CENPW: variants seen among roughly 807,000 people sequenced by gnomAD.
CENPW encodes the protein centromere protein W.
A neutral mutation model predicts 11.1 loss-of-function variants in CENPW; 3 were observed. The observed-to-expected ratio is 0.27, with a 90% CI of 0.12 to 0.70. CENPW has a LOEUF of 0.70. Ranked by LOEUF, CENPW falls within the 30% of genes least tolerant of loss-of-function variation. The probability of loss-of-function intolerance (pLI) is 0.77; values close to 1 mark genes in which losing one functional copy is unlikely to be tolerated. For missense variants in CENPW, 100 were observed against 105.6 expected, an observed-to-expected ratio of 0.95 and a Z score of 0.23; for synonymous variants, 38 against 42.0, an observed-to-expected ratio of 0.91 and a Z score of 0.37.
chr6:126,476,810 A>T, the CENPW span, among the ~76,000 whole-genome samples: 1 of 151,928 alleles, frequency 6.6e-6, no homozygotes, highest in Non-Finnish European at 1.5e-5. Flanking sequence ...GTCCTTCTAT[A>T]TCTACCTGTG....
At chr6:126,362,182 G>A in the CENPW span, among the ~76,000 whole-genome samples, 1 of 152,110 alleles carries the variant, frequency 6.6e-6, no homozygotes, top group Non-Finnish European at 1.5e-5. Context: ...TAGTCAGCTG[G>A]GGCTGGAGCT....
the CENPW span, among the ~76,000 whole-genome samples, chr6:126,474,366 T>G: frequency 1.3e-5 from 2 of 152,142 alleles, no homozygotes; most frequent in Admixed American, 6.6e-5. Context: ...CATGTAAACC[T>G]TGTGGGTTTA....
intron 1 of CENPW, among the ~76,000 whole-genome samples, chr6:126,342,469 G>C (rs1383144910): frequency 6.6e-6 from 1 of 152,118 alleles, no homozygotes; most frequent in Non-Finnish European, 1.5e-5. Context: ...TCCTAGTGTG[G>C]TATGCAGCTT....
the CENPW span, among the ~76,000 whole-genome samples, chr6:126,408,075 C>G: frequency 6.6e-6 from 1 of 151,948 alleles, no homozygotes; most frequent in Admixed American, 6.6e-5. Context: ...GTTTAACAAG[C>G]AATAGGGAAA....
chr6:126,342,097 T>C (rs1372411899), intron 1 of CENPW, among the ~76,000 whole-genome samples: 5 of 152,336 alleles, frequency 3.3e-5, no homozygotes, highest in East Asian at 3.9e-4. Flanking sequence ...AGCTTTCTGC[T>C]CACCTTTGAC....
chr6:126,478,590 A>G, the CENPW span, among the ~76,000 whole-genome samples: 1 of 152,020 alleles, frequency 6.6e-6, no homozygotes, highest in African/African-American at 2.4e-5. Context: ...TTTGTCAGTG[A>G]CAAAGCCCAT....
chr6:126,417,200 T>A, the CENPW span, among the ~76,000 whole-genome samples: 1 of 152,204 alleles, frequency 6.6e-6, no homozygotes, highest in Admixed American at 6.5e-5. Flanking sequence ...CAGACTGGCA[T>A]GGGGCCTGTA....
the CENPW span, among the ~76,000 whole-genome samples, chr6:126,420,389 A>T: frequency 3.2e-4 from 48 of 152,086 alleles, no homozygotes; most frequent in East Asian, 3.5e-3. Flanking sequence ...GACACATTTT[A>T]AAAAAAATGG....
At chr6:126,345,106 T>G (rs1780383269) in intron 1 of CENPW, among the ~76,000 whole-genome samples, 1 of 151,984 alleles carries the variant, frequency 6.6e-6, no homozygotes, top group South Asian at 2.1e-4. Context: ...TTTAGCTCAC[T>G]TCACATTTTC....
the CENPW span, among the ~76,000 whole-genome samples, chr6:126,415,566 T>G: frequency 1.3e-5 from 2 of 152,100 alleles, no homozygotes; most frequent in African/African-American, 4.8e-5. Flanking sequence ...TGATATGGTT[T>G]GGCTGTGTCC....
At chr6:126,441,089 A>T in the CENPW span, among the ~76,000 whole-genome samples, 1 of 151,400 alleles carries the variant, frequency 6.6e-6, no homozygotes, top group African/African-American at 2.4e-5. Flanking sequence ...TACCAAGCAG[A>T]TATACCCAAT....
At chr6:126,473,698 A>C in the CENPW span, among the ~76,000 whole-genome samples, 3 of 149,858 alleles carry the variant, frequency 2.0e-5, no homozygotes, top group African/African-American at 7.4e-5. Context: ...ACACCACCAC[A>C]CTCCAGTCTG....
the CENPW span, among the ~76,000 whole-genome samples, chr6:126,420,317 T>C: frequency 6.6e-6 from 1 of 152,102 alleles, no homozygotes; most frequent in East Asian, 1.9e-4. Flanking sequence ...TCAGATTATG[T>C]AGGATTTACT....
At chr6:126,435,541 G>T in the CENPW span, among the ~76,000 whole-genome samples, 2 of 151,776 alleles carry the variant, frequency 1.3e-5, no homozygotes, top group Admixed American at 6.6e-5. Flanking sequence ...TGACTTATCA[G>T]TATCCTATGT....
At chr6:126,462,786 G>A in the CENPW span, among the ~76,000 whole-genome samples, 119 of 152,048 alleles carry the variant, frequency 7.8e-4, no homozygotes, top group Middle Eastern at 6.8e-3. Flanking sequence ...CTGATGTAAT[G>A]AGCTCAGCTA....
At chr6:126,412,107 C>T in the CENPW span, among the ~76,000 whole-genome samples, 1 of 146,386 alleles carries the variant, frequency 6.8e-6, no homozygotes, top group African/African-American at 2.5e-5. Flanking sequence ...CCTTCCTTCC[C>T]TCCCAAGCAG....
chr6:126,362,519 T>C, the CENPW span, among the ~76,000 whole-genome samples: 22 of 152,032 alleles, frequency 1.4e-4, no homozygotes, highest in Admixed American at 1.4e-3. Context: ...CTCAGTGTTT[T>C]CTCTCCAAAG....
chr6:126,417,629 G>A, the CENPW span, among the ~76,000 whole-genome samples: 2 of 152,270 alleles, frequency 1.3e-5, no homozygotes, highest in East Asian at 3.9e-4. Context: ...ATAAAGCAGA[G>A]TTTCCCTGCA....
At chr6:126,428,781 G>GTT in the CENPW span, among the ~76,000 whole-genome samples, 1 of 151,740 alleles carries the variant, frequency 6.6e-6, no homozygotes, top group Admixed American at 6.6e-5. Context: ...ACTGTGCCTT[G>GTT]TTTTTTTTGT....
Sources: allele counts gnomAD v4.1 joint callset (sites outside exome capture counted in the v4.1 genomes callset), GRCh38; gene constraint gnomAD v4.1.1; transcripts MANE v1.5; gene names NCBI Gene and HGNC (gene_info 2026-07-23, HGNC 2026-07-21).